GJA3: variants seen among roughly 807,000 people sequenced by gnomAD.
GJA3 encodes gap junction alpha-3 protein.
For missense variants in GJA3, 571 were observed against 620.3 expected (o/e 0.92, Z 0.84); for synonymous variants, 297 against 292.6 (o/e 1.02, Z -0.15).
chr13:20,144,234 G>A (rs776010534), intron 1 of GJA3, among the ~76,000 whole-genome samples: 3 of 152,224 alleles, frequency 2.0e-5, no homozygotes, highest in Non-Finnish European at 1.5e-5. Flanking sequence ...TCTAGGCAGA[G>A]CTGAAGGGGT....
At position 20,161,044 on chromosome 13, in the gene GJA3, C is replaced by A. The variant is rs1014897579; in HGVS notation, c.-172G>T. On this transcript the variant is annotated 5_prime_UTR_variant, in exon 1 of 2. Coordinates refer to ENST00000241125, the MANE Select transcript of GJA3 (RefSeq NM_021954.4). ...CGCCCTGATCGCCATCCCTGCAGCC[C>A]CAGTGTGCGCTGCGCCCGACGCCCC... 1 of 153,004 alleles carries A rather than the reference C, an allele frequency of 6.5e-6. No individual in the cohort carries two copies. Among genetic ancestry groups the A allele is most frequent in the South Asian group, 1.9e-4 (1 of 5,210 alleles). 9.5% of individuals were successfully genotyped at this position (153,004 alleles called of 1,614,324 possible).
At position 20,147,015 on chromosome 13, in the gene GJA3, G is replaced by A. The variant is rs143454309; in HGVS notation, c.-17-3710C>T. On this transcript the variant is annotated intron_variant, in intron 1 of 1. Transcript: ENST00000241125. ...TTCATCCTCCCTTGTGGCTGGAGGT[G>A]AATAGAAAAGGCAGTTCTGTCCAGT... Among the ~76,000 whole-genome samples the A allele has an allele frequency of 2.0e-3, 303 of 152,356 alleles. 1 individual carries two copies. Among genetic ancestry groups the A allele is most frequent in the African/African-American group, 6.9e-3 (289 of 41,584 alleles).
At chr13:20,148,300 C>T (rs1330929060) in intron 1 of GJA3, among the ~76,000 whole-genome samples, 1 of 137,016 alleles carries the variant, frequency 7.3e-6, no homozygotes, top group Non-Finnish European at 1.5e-5. Flanking sequence ...TTCTGTCGCT[C>T]AGGCTAAGGT....
At chr13:20,143,624 G>T (rs145248647) in intron 1 of GJA3, among the ~76,000 whole-genome samples, 1 of 152,220 alleles carries the variant, frequency 6.6e-6, no homozygotes, top group African/African-American at 2.4e-5. Context: ...GGGGCTCTGC[G>T]GCCCCTTAGG....
chr13:20,143,431 A>T, intron 1 of GJA3, 126 bp from the exon 2 acceptor site: 3 of 599,324 alleles, frequency 5.0e-6, no homozygotes, highest in Non-Finnish European at 8.5e-6. Context: ...TCCACAGGAC[A>T]GGCATCGCAG....
At chr13:20,150,716 CCTG>C (rs1958871976) in intron 1 of GJA3, among the ~76,000 whole-genome samples, 1 of 140,296 alleles carries the variant, frequency 7.1e-6, no homozygotes, top group African/African-American at 3.3e-5. Context: ...GCGAAGGCCC[CCTG>C]AGGCCCCGCA....
In GJA3 at chr13:20,142,009, C is replaced by T. The variant is rs561316104; in HGVS notation, c.1280G>A (p.Arg427Gln). The T allele has an allele frequency of 1.9e-6, 3 of 1,550,424 alleles. No individual in the cohort carries two copies. Among genetic ancestry groups the T allele is most frequent in the Non-Finnish European group, 1.7e-6 (2 of 1,146,858 alleles). The change falls in exon 2 of 2, where the codon CGG becomes CAG. Residue 427 changes from arginine (R) to glutamine (Q), a missense_variant. Physicochemically the swap from Arg to Gln is conservative, Grantham distance 43. Transcript: ENST00000241125. The part of the protein sequence containing the change: ...ASKASRASSG[R>Q]ARPEDLAI Reference sequence around the variant, plus strand: ...GATGGCCAAGTCCTCCGGTCTGGCCCGCCCGCTGCTGGCCCTGCTGGCCTT... The same window carrying T: ...GATGGCCAAGTCCTCCGGTCTGGCCTGCCCGCTGCTGGCCCTGCTGGCCTT...
intron 1 of GJA3, among the ~76,000 whole-genome samples, chr13:20,144,906 C>T (rs749306774): frequency 1.1e-4 from 16 of 152,210 alleles, no homozygotes; most frequent in Non-Finnish European, 1.9e-4. Context: ...TCAGGCTGGG[C>T]GCGGTGGCTC....
At chr13:20,157,178 T>C (rs1473760738) in intron 1 of GJA3, among the ~76,000 whole-genome samples, 1 of 152,196 alleles carries the variant, frequency 6.6e-6, no homozygotes, top group Non-Finnish European at 1.5e-5. Flanking sequence ...AAAATTGAAC[T>C]TAGCAGTACC....
chr13:20,138,975 AC>A lies in GJA3; in HGVS notation c.*3005del, dbSNP rs1958791984. The A allele has an allele frequency of 6.6e-6, 1 of 152,188 alleles. No homozygotes were observed. The highest frequency in any genetic ancestry group is 2.1e-4 in the South Asian group (1 of 4,836). The allele number at this position is 152,188 out of a possible 1,614,324, so 9.4% of individuals were successfully genotyped here. A position where few individuals can be genotyped will look rare whatever the true frequency, so the allele number is the denominator to read the frequency against. ...GGTATTCTTGTGTAGGAATTCTATG[AC>A]CTATCCACTTACTTGTCCAGAGCCG... On this transcript the variant is annotated 3_prime_UTR_variant, in exon 2 of 2. Transcript: ENST00000241125.
intron 1 of GJA3, among the ~76,000 whole-genome samples, chr13:20,152,514 A>G (rs919070637): frequency 1.3e-5 from 2 of 151,948 alleles, no homozygotes; most frequent in Non-Finnish European, 2.9e-5. Flanking sequence ...CCTCATGAGT[A>G]GCTGGGATTA....
intron 1 of GJA3, among the ~76,000 whole-genome samples, chr13:20,160,081 A>G (rs1958928458): frequency 6.6e-6 from 1 of 152,198 alleles, no homozygotes; most frequent in Non-Finnish European, 1.5e-5. Context: ...TTGCAGTCAC[A>G]TATTCACGAA....
chr13:20,150,323 A>T (rs891414485), intron 1 of GJA3, among the ~76,000 whole-genome samples: 1 of 151,948 alleles, frequency 6.6e-6, no homozygotes, highest in Admixed American at 6.6e-5. Flanking sequence ...AGGCAGGACC[A>T]CGGAGCAAAG....
intron 1 of GJA3, among the ~76,000 whole-genome samples, chr13:20,148,410 C>T (rs981541828): frequency 3.9e-5 from 6 of 152,098 alleles, no homozygotes; most frequent in Admixed American, 1.3e-4. Context: ...CAGGTATGCA[C>T]CATCATGCAG....
At chr13:20,152,998 T>C (rs1958887529) in intron 1 of GJA3, among the ~76,000 whole-genome samples, 1 of 152,198 alleles carries the variant, frequency 6.6e-6, no homozygotes. Flanking sequence ...AATGGGCTTA[T>C]CTAGTTAGTC....
chr13:20,142,569 C>G lies in GJA3; in HGVS notation c.720G>C (p.Pro240=), dbSNP rs746223535. ...LKQGVTSRLG[P]DASEAPLGTA... is the part of the protein sequence containing the mutation. ...TCCCCAGCGGGGCCTCGGAGGCGTC[C>G]GGGCCGAGGCGGCTGGTCACGCCCT... Residue 240 remains proline, a synonymous_variant, in exon 2 of 2, where the codon CCG becomes CCC. Coordinates refer to ENST00000241125, the MANE Select transcript of GJA3 (RefSeq NM_021954.4). The G allele has an allele frequency of 3.1e-6, 5 of 1,594,318 alleles. No individual in the cohort carries two copies. Among genetic ancestry groups the G allele is most frequent in the Non-Finnish European group, 4.3e-6 (5 of 1,171,016 alleles).
Position 20,139,019 on chromosome 13 carries a change from T to C in GJA3, c.*2962A>G, listed in dbSNP as rs1357549877. On this transcript the variant is annotated 3_prime_UTR_variant, in exon 2 of 2. Transcript: ENST00000241125. ...CAGAGCCGAAGAAATCCAGGATAAA[T>C]GAGAAAGATGCTGGCTTGCTATTTT... 2 of 152,138 alleles carry C rather than the reference T, an allele frequency of 1.3e-5. No homozygotes were observed. Among genetic ancestry groups the C allele is most frequent in the African/African-American group, 4.8e-5 (2 of 41,430 alleles). 9.4% of individuals were successfully genotyped at this position (152,138 alleles called of 1,614,324 possible). A position where few individuals can be genotyped will look rare whatever the true frequency, so the allele number is the denominator to read the frequency against.
rs1958797508 is a variant in GJA3, at chr13:20,139,915, G to A, written c.*2066C>T. 1 of 152,196 alleles carries A rather than the reference G, an allele frequency of 6.6e-6. No individual in the cohort carries two copies. The allele number at this position is 152,196 out of a possible 1,614,324, so 9.4% of individuals were successfully genotyped here. Reference sequence around the variant, plus strand: ...AAGAACCAAGTATTGACATCCACTTGTACTTGAGCTGTACTTGTGCTCTTG... The same window carrying A: ...AAGAACCAAGTATTGACATCCACTTATACTTGAGCTGTACTTGTGCTCTTG... On this transcript the variant is annotated 3_prime_UTR_variant, in exon 2 of 2. Coordinates refer to ENST00000241125, the MANE Select transcript of GJA3 (RefSeq NM_021954.4).
At chr13:20,159,606 T>C (rs982990024) in intron 1 of GJA3, among the ~76,000 whole-genome samples, 1 of 152,078 alleles carries the variant, frequency 6.6e-6, no homozygotes, top group Non-Finnish European at 1.5e-5. Context: ...GTCAAAAATA[T>C]TTTCCTTATT....
Sources: gnomAD v4.1 joint callset for allele counts (sites outside exome capture counted in the v4.1 genomes callset) on GRCh38, gnomAD v4.1.1 for gene constraint, MANE v1.5 for transcripts, NCBI Gene and HGNC (gene_info 2026-07-23, HGNC 2026-07-21) for gene names.